Variants in EFNA5 observed in about 807,000 individuals in gnomAD.
EFNA5 encodes ephrin A5.
A neutral mutation model predicts 22.9 loss-of-function variants in EFNA5; 5 were observed. The ratio of observed to expected loss-of-function variants is 0.22; its 90% CI spans 0.11 to 0.46. EFNA5 has a LOEUF of 0.46. EFNA5 is among the 20% of genes least tolerant of loss of function. The pLI is 0.99. For missense variants in EFNA5, 237 were observed against 293.3 expected (o/e 0.81, Z 1.40); for synonymous variants, 113 against 112.2 (o/e 1.01, Z -0.04).
chr5:107,610,117 A>G (rs147765533), intron 1 of EFNA5, among the ~76,000 whole-genome samples: 3 of 152,338 alleles, frequency 2.0e-5, no homozygotes, highest in East Asian at 3.9e-4. Flanking sequence ...ATAGTCAGAT[A>G]GCAAGATGTT....
At chr5:107,423,072 A>G (rs1255789917) in intron 2 of EFNA5, among the ~76,000 whole-genome samples, 1 of 152,214 alleles carries the variant, frequency 6.6e-6, no homozygotes, top group Admixed American at 6.5e-5. Flanking sequence ...ATATAATAAA[A>G]TTAGGATATT....
rs536867133 is a variant in EFNA5, at chr5:107,508,346, G to A, written c.126-80837C>T. Among the ~76,000 whole-genome samples the A allele has an allele frequency of 8.5e-5, 13 of 152,286 alleles. No individual in the cohort carries two copies. In the East Asian group the frequency reaches 1.2e-3, roughly 14 times the overall value. ...GTAGGTCCTCACGTGTGAGGTCACCGTATTATAGAAGCAGCTCTCTGGATA... is the reference window on the plus strand; with the variant it reads ...GTAGGTCCTCACGTGTGAGGTCACCATATTATAGAAGCAGCTCTCTGGATA... On this transcript the variant is annotated intron_variant, in intron 1 of 4. Transcript: ENST00000333274.
At position 107,596,987 on chromosome 5, in the gene EFNA5, G is replaced by A. The variant is rs535595727; in HGVS notation, c.125+73502C>T. 4.6e-5 allele frequency among the ~76,000 whole-genome samples: 7 copies of A among 152,238 alleles called. No homozygotes were observed. In the South Asian group the frequency reaches 1.2e-3, roughly 27 times the overall value. On this transcript the variant is annotated intron_variant, in intron 1 of 4. Transcript: ENST00000333274. ...CATTTAGCTCTGGTACCTAATAACTGTGTGGCTTTGAGCAAGTTACTTACC... is the reference window on the plus strand; with the variant it reads ...CATTTAGCTCTGGTACCTAATAACTATGTGGCTTTGAGCAAGTTACTTACC...
chr5:107,464,366 C>T (rs1053103015), intron 1 of EFNA5, among the ~76,000 whole-genome samples: 3 of 152,112 alleles, frequency 2.0e-5, no homozygotes, highest in Admixed American at 6.6e-5. Flanking sequence ...TGCCCCAGCC[C>T]CAGAATAAAT....
At chr5:107,633,893 T>C (rs1468948698) in intron 1 of EFNA5, among the ~76,000 whole-genome samples, 1 of 152,104 alleles carries the variant, frequency 6.6e-6, no homozygotes, top group African/African-American at 2.4e-5. Context: ...TGGCCCTAGA[T>C]CTAGCCCAGG....
chr5:107,586,502 C>G (rs531448006), intron 1 of EFNA5, among the ~76,000 whole-genome samples: 32 of 152,328 alleles, frequency 2.1e-4, no homozygotes, highest in East Asian at 1.7e-3. Context: ...TTCCATGCAT[C>G]TGGACCCAAG....
intron 1 of EFNA5, among the ~76,000 whole-genome samples, chr5:107,602,352 T>C (rs1749618199): frequency 6.6e-6 from 1 of 152,166 alleles, no homozygotes; most frequent in South Asian, 2.1e-4. Context: ...TGTTAATGTA[T>C]GTGGATGTAT....
intron 1 of EFNA5, among the ~76,000 whole-genome samples, chr5:107,430,992 T>C (rs1020394846): frequency 6.6e-6 from 1 of 152,084 alleles, no homozygotes; most frequent in Non-Finnish European, 1.5e-5. Context: ...GCCAGAATGG[T>C]CTCAATCTCC....
Position 107,525,512 on chromosome 5 carries a change from T to C in EFNA5, c.126-98003A>G, listed in dbSNP as rs147312247. ...CTAATAGCCTATTGGTGACCAGAAG[T>C]TTTACTGATAACATAAACAGTCAAT... On this transcript the variant is annotated intron_variant, in intron 1 of 4. Transcript: ENST00000333274. Among the ~76,000 whole-genome samples, 34 of 152,280 alleles carry C rather than the reference T, an allele frequency of 2.2e-4. No individual in the cohort carries two copies. The East Asian group carries it at 6.0e-3, about 27-fold the overall frequency.
intron 1 of EFNA5, among the ~76,000 whole-genome samples, chr5:107,454,516 T>G (rs1416640322): frequency 6.6e-6 from 1 of 152,178 alleles, no homozygotes; most frequent in Non-Finnish European, 1.5e-5. Flanking sequence ...TATCTTAAAC[T>G]TAGACTAAAT....
chr5:107,610,968 G>A (rs967752684), intron 1 of EFNA5, among the ~76,000 whole-genome samples: 1 of 152,134 alleles, frequency 6.6e-6, no homozygotes, highest in African/African-American at 2.4e-5. Flanking sequence ...TACCACTGGC[G>A]CTGTTCAGAG....
At chr5:107,493,746 C>T (rs2112416702) in intron 1 of EFNA5, among the ~76,000 whole-genome samples, 1 of 152,248 alleles carries the variant, frequency 6.6e-6, no homozygotes, top group African/African-American at 2.4e-5. Flanking sequence ...TTCTAACTCT[C>T]TTGGCCACAA....
intron 1 of EFNA5, among the ~76,000 whole-genome samples, chr5:107,599,654 A>C (rs1419463621): frequency 6.6e-6 from 1 of 152,256 alleles, no homozygotes; most frequent in African/African-American, 2.4e-5. Context: ...TAGTAATCAT[A>C]AATATCACTG....
chr5:107,630,194 A>G (rs1011449779), intron 1 of EFNA5, among the ~76,000 whole-genome samples: 6 of 152,228 alleles, frequency 3.9e-5, no homozygotes, highest in Non-Finnish European at 8.8e-5. Flanking sequence ...AAAAGATGGA[A>G]CACCCTGCTC....
intron 1 of EFNA5, among the ~76,000 whole-genome samples, chr5:107,555,581 C>T (rs1218783009): frequency 6.6e-6 from 1 of 152,142 alleles, no homozygotes; most frequent in Admixed American, 6.5e-5. Context: ...TAAGCACTGA[C>T]CACAACATGG....
At chr5:107,382,061 T>G (rs1401416337) in intron 4 of EFNA5, among the ~76,000 whole-genome samples, 1 of 152,244 alleles carries the variant, frequency 6.6e-6, no homozygotes, top group Non-Finnish European at 1.5e-5. Flanking sequence ...ACTATTTTTA[T>G]TTTTATCGGG....
intron 1 of EFNA5, among the ~76,000 whole-genome samples, chr5:107,502,730 T>C (rs771447518): frequency 7.2e-5 from 11 of 152,130 alleles, no homozygotes; most frequent in Non-Finnish European, 1.5e-4. Context: ...AAATGGACCC[T>C]AGGAGAGCAC....
chr5:107,620,923 G>A (rs1045509167), intron 1 of EFNA5, among the ~76,000 whole-genome samples: 1 of 152,210 alleles, frequency 6.6e-6, no homozygotes, highest in African/African-American at 2.4e-5. Context: ...GAGCAGAGGA[G>A]TAAGAAAAAT....
chr5:107,618,538 A>G (rs956578847), intron 1 of EFNA5, among the ~76,000 whole-genome samples: 1 of 152,242 alleles, frequency 6.6e-6, no homozygotes, highest in Non-Finnish European at 1.5e-5. Flanking sequence ...CAGAAAATAC[A>G]TTTGGCATAA....
Sources: gnomAD v4.1 joint callset for allele counts (sites outside exome capture counted in the v4.1 genomes callset) on GRCh38, gnomAD v4.1.1 for gene constraint, MANE v1.5 for transcripts, NCBI Gene and HGNC (gene_info 2026-07-23, HGNC 2026-07-21) for gene names.